The following MGAT4C variants were observed in gnomAD, a reference collection of about 807,000 sequenced individuals.
MGAT4C encodes alpha-1,3-mannosyl-glycoprotein 4-beta-N-acetylglucosaminyltransferase C.
In MGAT4C, 19 loss-of-function variants were observed where a neutral mutation model predicts 40.1. That is an observed-to-expected ratio of 0.47 (90% CI 0.33 to 0.70). The LOEUF is 0.70. MGAT4C is among the 30% of genes least tolerant of loss of function. The probability of loss-of-function intolerance (pLI) is 0.02; values close to 1 mark genes in which losing one functional copy is unlikely to be tolerated. For missense variants in MGAT4C, 491 were observed against 563.2 expected (o/e 0.87, Z 1.30); for synonymous variants, 181 against 187.1 (o/e 0.97, Z 0.27).
intron 2 of MGAT4C, among the ~76,000 whole-genome samples, chr12:86,579,741 T>C (rs1960706609): frequency 6.6e-6 from 1 of 151,610 alleles, no homozygotes; most frequent in Non-Finnish European, 1.5e-5. Context: ...AAGTCTGGTA[T>C]TGATGAAATC....
At chr12:86,784,648 G>A (rs1456435601) in intron 1 of MGAT4C, among the ~76,000 whole-genome samples, 1 of 151,018 alleles carries the variant, frequency 6.6e-6, no homozygotes, top group Non-Finnish European at 1.5e-5. Context: ...ATTAATGAAT[G>A]AATATCTCAG....
At chr12:86,620,139 GA>G (rs1213556081) in intron 2 of MGAT4C, among the ~76,000 whole-genome samples, 1 of 152,074 alleles carries the variant, frequency 6.6e-6, no homozygotes, top group Admixed American at 6.6e-5. Flanking sequence ...AACCTCTATG[GA>G]AAACAGTATG....
At chr12:86,376,990 T>C (rs1264879519) in intron 3 of MGAT4C, among the ~76,000 whole-genome samples, 4 of 152,106 alleles carry the variant, frequency 2.6e-5, no homozygotes, top group African/African-American at 9.7e-5. Context: ...TTCATATTTT[T>C]CTACATTTCA....
At position 86,444,910 on chromosome 12, in the gene MGAT4C, A is replaced by G. The variant is rs368524179; in HGVS notation, c.-228-9645T>C. On this transcript the variant is annotated intron_variant, in intron 2 of 7. Transcript: ENST00000548651. ...ACAGATGAATTTCTAAATTATACTG[A>G]GAGAAGCTAAACAAAAAAGTACATA... is the stretch of plus-strand genomic sequence containing the variant. 3.9e-5 allele frequency among the ~76,000 whole-genome samples: 6 copies of G among 152,246 alleles called. No homozygotes were observed. In the South Asian group the frequency reaches 1.2e-3, roughly 31 times the overall value.
At chr12:86,696,318 G>C (rs1187269955) in intron 2 of MGAT4C, among the ~76,000 whole-genome samples, 1 of 151,990 alleles carries the variant, frequency 6.6e-6, no homozygotes, top group Non-Finnish European at 1.5e-5. Context: ...TTGCATGCCT[G>C]TATCAAAATA....
chr12:86,760,822 G>A (rs891571769), intron 1 of MGAT4C, among the ~76,000 whole-genome samples: 11 of 152,140 alleles, frequency 7.2e-5, no homozygotes, highest in African/African-American at 2.7e-4. Context: ...AAGTAATTAT[G>A]TGGAATGAAA....
At chr12:86,152,828 G>A (rs1884460487) in intron 1 of MGAT4C, among the ~76,000 whole-genome samples, 1 of 152,098 alleles carries the variant, frequency 6.6e-6, no homozygotes, top group African/African-American at 2.4e-5. Context: ...CAAAGATAAA[G>A]TCCAAGTCTT....
intron 2 of MGAT4C, among the ~76,000 whole-genome samples, chr12:86,600,942 C>A (rs1156371566): frequency 2.6e-5 from 4 of 152,242 alleles, no homozygotes; most frequent in South Asian, 2.1e-4. Flanking sequence ...AGCAAAGTTG[C>A]GACTATGTCC....
chr12:86,159,602 T>A (rs1885364306), intron 1 of MGAT4C, among the ~76,000 whole-genome samples: 1 of 151,982 alleles, frequency 6.6e-6, no homozygotes, highest in South Asian at 2.1e-4. Context: ...AGAATTGGTA[T>A]ATTTTTTTTC....
chr12:86,392,494 C>T (rs1234992829), intron 3 of MGAT4C, among the ~76,000 whole-genome samples: 2 of 151,992 alleles, frequency 1.3e-5, no homozygotes, highest in Non-Finnish European at 1.5e-5. Flanking sequence ...ACAACAACAA[C>T]AACAAACCAG....
chr12:86,466,208 C>CAAAAAAAAA (rs35660169), intron 2 of MGAT4C, among the ~76,000 whole-genome samples: 11 of 149,600 alleles, frequency 7.4e-5, no homozygotes, highest in African/African-American at 2.5e-4. Flanking sequence ...AAGACTCCGT[C>CAAAAAAAAA]AAAAAAAAAC....
At chr12:86,588,411 G>C (rs575421277) in intron 2 of MGAT4C, among the ~76,000 whole-genome samples, 3 of 151,950 alleles carry the variant, frequency 2.0e-5, no homozygotes, top group Admixed American at 6.6e-5. Flanking sequence ...AGCAAGTCCT[G>C]AGTGACCTAC....
intron 2 of MGAT4C, among the ~76,000 whole-genome samples, chr12:86,457,848 A>G (rs1957534646): frequency 6.6e-6 from 1 of 151,956 alleles, no homozygotes. Context: ...ATAAAATCAC[A>G]AGTTTTTTTT....
intron 3 of MGAT4C, among the ~76,000 whole-genome samples, chr12:86,348,564 C>T (rs1244580591): frequency 6.6e-6 from 1 of 152,098 alleles, no homozygotes; most frequent in Non-Finnish European, 1.5e-5. Flanking sequence ...CCTAAAACTA[C>T]ATTTATGTGG....
chr12:86,302,405 G>T (rs115630407), intron 4 of MGAT4C, among the ~76,000 whole-genome samples: 5 of 126,172 alleles, frequency 4.0e-5, no homozygotes, highest in African/African-American at 6.2e-5. Flanking sequence ...TGTTTGGTTG[G>T]TTGGTTGGTT....
At chr12:86,777,025 G>T (rs113470385) in intron 1 of MGAT4C, among the ~76,000 whole-genome samples, 2,131 of 152,104 alleles carry the variant, frequency 0.014, 27 homozygotes, top group Middle Eastern at 0.037. Context: ...ACTTCTTCGT[G>T]AAATAAATTT....
chr12:86,514,000 A>G (rs1013123377), intron 2 of MGAT4C, among the ~76,000 whole-genome samples: 3 of 151,298 alleles, frequency 2.0e-5, no homozygotes, highest in Non-Finnish European at 4.4e-5. Flanking sequence ...TCTGACAAGC[A>G]GGAAGTGCAA....
chr12:86,741,349 C>T (rs11104064), intron 1 of MGAT4C, among the ~76,000 whole-genome samples: 5,713 of 151,062 alleles, frequency 0.038, 147 homozygotes, highest in Non-Finnish European at 0.048. Flanking sequence ...AGTTATCAAA[C>T]GTAGAAATTG....
intron 2 of MGAT4C, among the ~76,000 whole-genome samples, chr12:86,616,093 G>A (rs568893463): frequency 2.0e-5 from 3 of 152,184 alleles, no homozygotes; most frequent in African/African-American, 4.8e-5. Flanking sequence ...ACAATGCCTT[G>A]AGTGGTGATT....
Sources: gnomAD v4.1 joint callset for allele counts (sites outside exome capture counted in the v4.1 genomes callset) on GRCh38, gnomAD v4.1.1 for gene constraint, MANE v1.5 for transcripts, NCBI Gene and HGNC (gene_info 2026-07-23, HGNC 2026-07-21) for gene names.